Variants in TMEM196 observed in about 807,000 individuals in gnomAD.
The protein encoded by TMEM196 is transmembrane protein 196.
TMEM196 carries 17 observed loss-of-function variants against 20.0 expected under a neutral mutation model. The observed-to-expected ratio is 0.85, with a 90% CI of 0.58 to 1.27. The LOEUF (loss-of-function observed/expected upper bound fraction) is 1.27, where lower values mean the gene tolerates loss of function less well. TMEM196 is among the 50% of genes most tolerant of loss of function. TMEM196 has a pLI of 0.00. For missense variants in TMEM196, 267 were observed against 223.0 expected (o/e 1.20, Z -1.26); for synonymous variants, 113 against 88.9 (o/e 1.27, Z -1.52).
At chr7:19,726,248 T>C (rs1420153792) in intron 2 of TMEM196, among the ~76,000 whole-genome samples, 1 of 152,224 alleles carries the variant, frequency 6.6e-6, no homozygotes, top group Non-Finnish European at 1.5e-5. Context: ...CAGATTTTTC[T>C]GATTCCAAAT....
chr7:19,725,446 G>A, intron 3 of TMEM196, 68 bp downstream of exon 3: 2 of 1,495,972 alleles, frequency 1.3e-6, no homozygotes, highest in Non-Finnish European at 1.8e-6. Context: ...GTTTCAAGTT[G>A]ATTCACCCAG....
intron 1 of TMEM196, among the ~76,000 whole-genome samples, chr7:19,748,040 A>G (rs768464002): frequency 2.0e-5 from 3 of 152,020 alleles, no homozygotes; most frequent in Non-Finnish European, 4.4e-5. Flanking sequence ...TCAATTAATT[A>G]ATTTTTCCAT....
chr7:19,750,704 C>T (rs1157338794), intron 1 of TMEM196, among the ~76,000 whole-genome samples: 2 of 152,034 alleles, frequency 1.3e-5, no homozygotes, highest in Non-Finnish European at 2.9e-5. Flanking sequence ...CAATTTATTT[C>T]CTTTATAGGC....
At chr7:19,752,594 T>C (rs1006514522) in intron 1 of TMEM196, among the ~76,000 whole-genome samples, 7 of 151,994 alleles carry the variant, frequency 4.6e-5, no homozygotes, top group African/African-American at 1.7e-4. Context: ...TTTTTTAATT[T>C]AATTTTATGT....
At chr7:19,750,155 G>A (rs145567256) in intron 1 of TMEM196, among the ~76,000 whole-genome samples, 3 of 152,172 alleles carry the variant, frequency 2.0e-5, no homozygotes, top group Non-Finnish European at 4.4e-5. Flanking sequence ...TCTCCAAAAC[G>A]TTCTGTTGTC....
chr7:19,753,500 C>T (rs1785073100), intron 1 of TMEM196, among the ~76,000 whole-genome samples: 1 of 152,040 alleles, frequency 6.6e-6, no homozygotes, highest in Admixed American at 6.6e-5. Context: ...AGCGTGACTC[C>T]CATGAAGTCT....
At chr7:19,732,319 A>C (rs1784231495) in intron 1 of TMEM196, among the ~76,000 whole-genome samples, 2 of 152,166 alleles carry the variant, frequency 1.3e-5, no homozygotes, top group Admixed American at 1.3e-4. Flanking sequence ...TCACACCTGT[A>C]ACCCCAGCAT....
Position 19,736,393 on chromosome 7 carries a change from AT to A in TMEM196, c.148-6956del, listed in dbSNP as rs1784408970. On this transcript the variant is annotated intron_variant, in intron 1 of 4. Transcript: ENST00000405844. ...TATATATATATATATATATATATAT[AT>A]ATATATAAATTATCTCTGTAAAATG... is the stretch of plus-strand genomic sequence containing the variant. Among the ~76,000 whole-genome samples, 5 of 89,824 alleles carry A rather than the reference AT, an allele frequency of 5.6e-5. No individual in the cohort carries two copies. The South Asian group carries it at 1.8e-3, about 33-fold the overall frequency. 58.9% of individuals were successfully genotyped at this position (89,824 alleles called of 152,430 possible).
chr7:19,739,238 A>C (rs753257496), intron 1 of TMEM196, among the ~76,000 whole-genome samples: 1 of 152,150 alleles, frequency 6.6e-6, no homozygotes, highest in African/African-American at 2.4e-5. Flanking sequence ...AAGAGAATCA[A>C]CTCTACATGG....
In TMEM196 at chr7:19,721,791, T is replaced by C. The variant is rs1398805059; in HGVS notation, c.*337A>G. 9.5e-6 allele frequency: 3 copies of C among 314,188 alleles called. No individual in the cohort carries two copies. Among genetic ancestry groups the C allele is most frequent in the Non-Finnish European group, 1.7e-5 (3 of 172,728 alleles). The allele number at this position is 314,188 out of a possible 1,614,324, so 19.5% of individuals were successfully genotyped here. A position where few individuals can be genotyped will look rare whatever the true frequency, so the allele number is the denominator to read the frequency against. Reference sequence around the variant, plus strand: ...AGTCAAATAGTGTTTGTATAGAATATGCATTTTATTTCTGTTTTATTATCT... The same window carrying C: ...AGTCAAATAGTGTTTGTATAGAATACGCATTTTATTTCTGTTTTATTATCT... On this transcript the variant is annotated 3_prime_UTR_variant, in exon 5 of 5. Transcript: ENST00000405844.
intron 1 of TMEM196, among the ~76,000 whole-genome samples, chr7:19,768,127 G>A (rs1453712380): frequency 6.6e-6 from 1 of 151,958 alleles, no homozygotes; most frequent in East Asian, 1.9e-4. Context: ...GATATAATTT[G>A]TAGATCAAAT....
intron 1 of TMEM196, among the ~76,000 whole-genome samples, chr7:19,760,107 C>A (rs1410204007): frequency 6.6e-6 from 1 of 151,962 alleles, no homozygotes. Context: ...TGCCTTCTAC[C>A]TCCTCCCCCT....
rs116540016 is a variant in TMEM196 at position 19,739,099 on chromosome 7, T to C, written c.148-9661A>G. Among the ~76,000 whole-genome samples the C allele has an allele frequency of 4.8e-3, 734 of 152,208 alleles. 6 individuals carry two copies. The highest frequency in any genetic ancestry group is 0.017 in the African/African-American group (696 of 41,548). ...GGATGCCCACTATTACCACTTGTGT[T>C]ATACATTGGAGCAGAGCCAGTAGAC... On this transcript the variant is annotated intron_variant, in intron 1 of 4. Transcript: ENST00000405844.
At chr7:19,763,560 T>G (rs955248416) in intron 1 of TMEM196, among the ~76,000 whole-genome samples, 1 of 152,104 alleles carries the variant, frequency 6.6e-6, no homozygotes, top group Non-Finnish European at 1.5e-5. Flanking sequence ...ACAAAATCAG[T>G]TATGTAGAGT....
intron 1 of TMEM196, among the ~76,000 whole-genome samples, chr7:19,750,092 T>C (rs1197908092): frequency 1.3e-5 from 2 of 152,194 alleles, no homozygotes; most frequent in African/African-American, 4.8e-5. Flanking sequence ...TAACCCTGGA[T>C]CTTCCCCTAG....
At chr7:19,771,996 A>G (rs1785899546) in intron 1 of TMEM196, among the ~76,000 whole-genome samples, 1 of 152,198 alleles carries the variant, frequency 6.6e-6, no homozygotes, top group South Asian at 2.1e-4. Context: ...CTGGAATGAA[A>G]TGCACCCACA....
chr7:19,748,263 CAAAAAAAAAAAAAAAAAAA>C (rs57276805), intron 1 of TMEM196, among the ~76,000 whole-genome samples: 1 of 20,780 alleles, frequency 4.8e-5, no homozygotes, highest in Non-Finnish European at 9.2e-5. Context: ...TGTGGCTGTC[CAAAAAAAAAAAAAAAAAAA>C]AAAAAAAAAC....
chr7:19,767,315 C>T (rs1785674814), intron 1 of TMEM196, among the ~76,000 whole-genome samples: 1 of 152,024 alleles, frequency 6.6e-6, no homozygotes, highest in Admixed American at 6.6e-5. Context: ...AACTATATTT[C>T]CCAGTAGTTT....
chr7:19,737,205 T>TAA (rs1784436090), intron 1 of TMEM196, among the ~76,000 whole-genome samples: 1 of 151,904 alleles, frequency 6.6e-6, no homozygotes, highest in African/African-American at 2.4e-5. Flanking sequence ...CAAATAAACA[T>TAA]AAAAAAGATA....
Sources: gnomAD v4.1 joint callset for allele counts (sites outside exome capture counted in the v4.1 genomes callset) on GRCh38, gnomAD v4.1.1 for gene constraint, MANE v1.5 for transcripts, NCBI Gene and HGNC (gene_info 2026-07-23, HGNC 2026-07-21) for gene names.